The following KCNMA1 variants were observed in gnomAD, a reference collection of about 807,000 sequenced individuals.
The protein encoded by KCNMA1 is potassium calcium-activated channel subfamily M alpha 1, also known as Calcium-activated potassium channel subunit alpha-1.
In KCNMA1, 29 loss-of-function variants were observed where a neutral mutation model predicts 140.0. The observed-to-expected ratio is 0.21, with a 90% CI of 0.15 to 0.28. The LOEUF (loss-of-function observed/expected upper bound fraction) is 0.28. Ranked by LOEUF, KCNMA1 falls within the 10% of genes least tolerant of loss-of-function variation. KCNMA1 has a pLI of 1.00. For synonymous variants in KCNMA1, 612 were observed against 611.9 expected (o/e 1.00, Z 0.00); for missense variants, 880 against 1,602.2 (o/e 0.55, Z 7.70).
chr10:76,914,178 GAGGAA>G, intron 24 of KCNMA1: 4 of 1,402,066 alleles, frequency 2.9e-6, no homozygotes, highest in Non-Finnish European at 4.0e-6. Flanking sequence ...AAAGGGAGTG[GAGGAA>G]AGTACAGAAA....
intron 1 of KCNMA1, among the ~76,000 whole-genome samples, chr10:77,506,571 T>TAGAGAGAGAGAGAG (rs72516981): frequency 2.6e-4 from 20 of 78,102 alleles, no homozygotes; most frequent in African/African-American, 4.6e-4. Context: ...GAGATGTTCC[T>TAGAGAGAGAGAGAG]AGAGAGAGAG....
At chr10:77,506,571 T>TAGAGAGAGAGAGAGAGAG (rs72516981) in intron 1 of KCNMA1, among the ~76,000 whole-genome samples, 2 of 78,078 alleles carry the variant, frequency 2.6e-5, no homozygotes, top group African/African-American at 1.8e-4. Flanking sequence ...GAGATGTTCC[T>TAGAGAGAGAGAGAGAGAG]AGAGAGAGAG....
chr10:76,924,173 G>A (rs933632568), intron 23 of KCNMA1, among the ~76,000 whole-genome samples: 5 of 152,258 alleles, frequency 3.3e-5, no homozygotes, highest in African/African-American at 9.6e-5. Context: ...TAGGTATTAA[G>A]TAACAACATT....
At chr10:77,525,052 G>A (rs745750428) in intron 1 of KCNMA1, among the ~76,000 whole-genome samples, 42 of 152,304 alleles carry the variant, frequency 2.8e-4, no homozygotes, top group Non-Finnish European at 5.1e-4. Context: ...GTAAGGTACC[G>A]TGTTCGATTT....
At chr10:77,183,607 T>C in intron 4 of KCNMA1, 75 bp from the exon 5 acceptor site, 1 of 1,050,174 alleles carries the variant, frequency 9.5e-7, no homozygotes, top group Non-Finnish European at 1.4e-6. Flanking sequence ...CACTCTTTTG[T>C]CAAAGGGTAA....
intron 1 of KCNMA1, among the ~76,000 whole-genome samples, chr10:77,474,895 T>C (rs1260580342): frequency 6.6e-6 from 1 of 152,154 alleles, no homozygotes; most frequent in Non-Finnish European, 1.5e-5. Context: ...TGGCCCACAA[T>C]GACCTTTAAA....
chr10:77,418,723 T>C (rs1603538642), intron 1 of KCNMA1, among the ~76,000 whole-genome samples: 1 of 152,168 alleles, frequency 6.6e-6, no homozygotes, highest in East Asian at 1.9e-4. Flanking sequence ...GCCTCCCTCC[T>C]ACCATGTCCC....
intron 1 of KCNMA1, among the ~76,000 whole-genome samples, chr10:77,576,945 A>G (rs752557548): frequency 1.3e-5 from 2 of 152,182 alleles, no homozygotes; most frequent in African/African-American, 2.4e-5. Flanking sequence ...ATTTCATTCA[A>G]TTCTCACTGA....
At chr10:77,555,306 CA>C (rs1185819529) in intron 1 of KCNMA1, among the ~76,000 whole-genome samples, 1 of 152,112 alleles carries the variant, frequency 6.6e-6, no homozygotes, top group Non-Finnish European at 1.5e-5. Context: ...CAGCCCAAGT[CA>C]AACTCCATGG....
At chr10:77,393,325 C>A (rs1184878058) in intron 2 of KCNMA1, among the ~76,000 whole-genome samples, 2 of 152,198 alleles carry the variant, frequency 1.3e-5, no homozygotes, top group African/African-American at 4.8e-5. Flanking sequence ...CACCCCCTGA[C>A]CCGTCTGTCT....
chr10:77,136,390 G>T (rs909951270), intron 5 of KCNMA1, among the ~76,000 whole-genome samples: 4 of 152,110 alleles, frequency 2.6e-5, no homozygotes, highest in Non-Finnish European at 5.9e-5. Context: ...CGATTACCAG[G>T]AGCTGAGGGG....
At chr10:77,254,832 A>T (rs138126759) in intron 2 of KCNMA1, among the ~76,000 whole-genome samples, 4 of 152,218 alleles carry the variant, frequency 2.6e-5, no homozygotes, top group Non-Finnish European at 4.4e-5. Flanking sequence ...CCCAAGGGAC[A>T]TGGTAAAATG....
chr10:77,414,560 C>T (rs2096693729), intron 1 of KCNMA1, among the ~76,000 whole-genome samples: 1 of 152,158 alleles, frequency 6.6e-6, no homozygotes, highest in Admixed American at 6.5e-5. Flanking sequence ...GATGCAATCT[C>T]AGCTCACTGC....
rs200362896 is a variant in KCNMA1, at chr10:77,413,283, TC to T, written c.379-9261del. Among the ~76,000 whole-genome samples the T allele has an allele frequency of 5.8e-4, 89 of 152,194 alleles. No individual in the cohort carries two copies. The East Asian group carries it at 0.017, about 28-fold the overall frequency. ...CCTTAGGAAGCCCTGGGGCTGCTGG[TC>T]CCTCCCCGCGGGCTGCTCTCCTCTC... On this transcript the variant is annotated intron_variant, in intron 1 of 27. Coordinates refer to ENST00000286628, the MANE Select transcript of KCNMA1 (RefSeq NM_001161352.2).
At chr10:77,281,220 T>G (rs1303547388) in intron 2 of KCNMA1, among the ~76,000 whole-genome samples, 1 of 152,192 alleles carries the variant, frequency 6.6e-6, no homozygotes, top group East Asian at 1.9e-4. Context: ...CCCTGGCAAG[T>G]GCCACAGACA....
In KCNMA1 at chr10:77,559,028, G is replaced by GCC. The variant is rs200017644; in HGVS notation, c.378+78235_378+78236dup. On this transcript the variant is annotated intron_variant, in intron 1 of 27. Coordinates refer to ENST00000286628, the MANE Select transcript of KCNMA1 (RefSeq NM_001161352.2). ...GCTGGGAGTATGAGTGACTGGCTCA[G>GCC]CCCCAGAAGGCAAGTCACTCTCCGT... 2.4e-3 allele frequency among the ~76,000 whole-genome samples: 360 copies of GCC among 152,310 alleles called. 8 individuals carry two copies. The South Asian group carries it at 0.025, about 11-fold the overall frequency.
intron 2 of KCNMA1, among the ~76,000 whole-genome samples, chr10:77,342,815 C>G (rs2154377541): frequency 6.6e-6 from 1 of 152,282 alleles, no homozygotes; most frequent in South Asian, 2.1e-4. Context: ...TGAACAAGTT[C>G]TCCATGCCTG....
intron 5 of KCNMA1, among the ~76,000 whole-genome samples, chr10:77,165,629 C>T (rs569146618): frequency 6.6e-6 from 1 of 152,296 alleles, no homozygotes; most frequent in East Asian, 1.9e-4. Flanking sequence ...TGACTTCCTC[C>T]TCTTAACCTG....
chr10:77,167,044 T>TG (rs2098650339), intron 5 of KCNMA1, among the ~76,000 whole-genome samples: 1 of 152,202 alleles, frequency 6.6e-6, no homozygotes. Context: ...GTCACCCTAC[T>TG]GATCTATCAA....
Sources: gnomAD v4.1 joint callset for allele counts (sites outside exome capture counted in the v4.1 genomes callset) on GRCh38, gnomAD v4.1.1 for gene constraint, MANE v1.5 for transcripts, NCBI Gene and HGNC (gene_info 2026-07-23, HGNC 2026-07-21) for gene names.